The following CALN1 variants were observed in gnomAD, a reference collection of about 807,000 sequenced individuals.
CALN1 encodes the protein calneuron 1, also known as calcium-binding protein 8.
Under a neutral mutation model 30.6 loss-of-function variants are expected in CALN1, and 17 were observed. The observed-to-expected ratio is 0.56, with a 90% CI of 0.38 to 0.83. CALN1 has a LOEUF of 0.83. CALN1 is among the 40% of genes least tolerant of loss of function. The pLI is 0.00. For missense variants in CALN1, 291 were observed against 354.9 expected (o/e 0.82, Z 1.45); for synonymous variants, 156 against 131.4 (o/e 1.19, Z -1.28).
At chr7:71,803,568 G>A (rs1366301370) in intron 6 of CALN1, among the ~76,000 whole-genome samples, 1 of 152,022 alleles carries the variant, frequency 6.6e-6, no homozygotes, top group African/African-American at 2.4e-5. Context: ...TCTGCCTCCC[G>A]GGTTCAAGTG....
At chr7:72,114,052 A>C (rs1807764616) in intron 3 of CALN1, among the ~76,000 whole-genome samples, 1 of 151,560 alleles carries the variant, frequency 6.6e-6, no homozygotes, top group African/African-American at 2.4e-5. Flanking sequence ...AGGAGAGCTC[A>C]GATGTCAGAG....
At chr7:72,189,254 G>A (rs1790432941) in intron 3 of CALN1, among the ~76,000 whole-genome samples, 1 of 152,086 alleles carries the variant, frequency 6.6e-6, no homozygotes, top group African/African-American at 2.4e-5. Flanking sequence ...GGAGCCAAGT[G>A]GTTGCACTAT....
chr7:71,814,222 T>A (rs543001315), intron 5 of CALN1, among the ~76,000 whole-genome samples: 1 of 152,150 alleles, frequency 6.6e-6, no homozygotes, highest in Admixed American at 6.5e-5. Context: ...GTATCCCATG[T>A]TTTGCTTTCC....
the CALN1 span, among the ~76,000 whole-genome samples, chr7:72,480,834 CAT>C: frequency 6.6e-6 from 1 of 152,028 alleles, no homozygotes; most frequent in African/African-American, 2.4e-5. Context: ...AATTGTTCAT[CAT>C]ATTTTTTATA....
At chr7:72,246,991 TG>T (rs1311169108) in intron 3 of CALN1, among the ~76,000 whole-genome samples, 1 of 151,924 alleles carries the variant, frequency 6.6e-6, no homozygotes, top group Non-Finnish European at 1.5e-5. Context: ...CGACCTCAGG[TG>T]ATCTGCCCGC....
intron 3 of CALN1, among the ~76,000 whole-genome samples, chr7:72,254,566 C>CA (rs1214050662): frequency 6.6e-6 from 1 of 151,762 alleles, no homozygotes; most frequent in East Asian, 1.9e-4. Context: ...TGCTTTAGGG[C>CA]AAAAAACACA....
chr7:72,311,227 T>A (rs192951485), intron 2 of CALN1, among the ~76,000 whole-genome samples: 1 of 152,290 alleles, frequency 6.6e-6, no homozygotes, highest in East Asian at 1.9e-4. Flanking sequence ...TCTATATGGT[T>A]TCCTTAATAA....
chr7:72,154,495 G>A (rs777255488), intron 3 of CALN1, among the ~76,000 whole-genome samples: 2 of 152,214 alleles, frequency 1.3e-5, no homozygotes, highest in Non-Finnish European at 2.9e-5. Flanking sequence ...GTACCATCTT[G>A]AGGATACCAA....
intron 5 of CALN1, among the ~76,000 whole-genome samples, chr7:71,935,192 A>G (rs1382155799): frequency 6.6e-6 from 1 of 152,190 alleles, no homozygotes; most frequent in Non-Finnish European, 1.5e-5. Flanking sequence ...GGCCAAGGCA[A>G]TGATGAGGCT....
chr7:72,231,282 C>T (rs1794080289), intron 3 of CALN1, among the ~76,000 whole-genome samples: 1 of 152,184 alleles, frequency 6.6e-6, no homozygotes, highest in African/African-American at 2.4e-5. Flanking sequence ...CTCTCCCTCC[C>T]CCAACGCCCC....
chr7:72,260,885 TG>T (rs1347861230), intron 3 of CALN1, among the ~76,000 whole-genome samples: 1 of 152,078 alleles, frequency 6.6e-6, no homozygotes, highest in Admixed American at 6.5e-5. Flanking sequence ...ATCCCTACGG[TG>T]CTTCTAGGTT....
chr7:71,912,259 G>A (rs992921328), intron 5 of CALN1, among the ~76,000 whole-genome samples: 21 of 152,028 alleles, frequency 1.4e-4, no homozygotes, highest in Non-Finnish European at 1.5e-5. Context: ...TATGGAACCT[G>A]AGACTTTCTG....
intron 2 of CALN1, among the ~76,000 whole-genome samples, chr7:72,344,304 A>C (rs1802515185): frequency 6.6e-6 from 1 of 152,140 alleles, no homozygotes; most frequent in African/African-American, 2.4e-5. Context: ...TTTTTGTTTT[A>C]AGAAACTTCG....
chr7:72,386,265 T>C (rs973662255), intron 2 of CALN1, among the ~76,000 whole-genome samples: 3 of 152,174 alleles, frequency 2.0e-5, no homozygotes, highest in African/African-American at 7.2e-5. Context: ...AGGAGGTCCA[T>C]GGAATCCCAG....
At chr7:71,994,658 C>T (rs975324201) in intron 5 of CALN1, among the ~76,000 whole-genome samples, 4 of 151,602 alleles carry the variant, frequency 2.6e-5, no homozygotes, top group Admixed American at 2.0e-4. Flanking sequence ...GTTTAATAGG[C>T]GAAAGAAAGA....
chr7:72,446,803 G>C (rs1275514128), intron 1 of CALN1, among the ~76,000 whole-genome samples: 1 of 152,134 alleles, frequency 6.6e-6, no homozygotes. Context: ...GGGTGAAGCT[G>C]GGGCCAAAAC....
intron 3 of CALN1, among the ~76,000 whole-genome samples, chr7:72,182,937 G>A (rs975154029): frequency 6.6e-5 from 10 of 152,156 alleles, no homozygotes; most frequent in Non-Finnish European, 1.5e-4. Flanking sequence ...GGACCAGGTG[G>A]TAAAGGCATT....
At chr7:71,883,587 A>G (rs541548345) in intron 5 of CALN1, among the ~76,000 whole-genome samples, 1 of 152,300 alleles carries the variant, frequency 6.6e-6, no homozygotes, top group African/African-American at 2.4e-5. Context: ...TCCACCTTGC[A>G]TGCTAATCCA....
intron 3 of CALN1, among the ~76,000 whole-genome samples, chr7:72,109,548 T>C (rs1428657832): frequency 6.6e-6 from 1 of 152,236 alleles, no homozygotes; most frequent in Non-Finnish European, 1.5e-5. Context: ...TCAAGGCGTT[T>C]GTCTGCATTT....
Sources: allele counts gnomAD v4.1 joint callset (sites outside exome capture counted in the v4.1 genomes callset), GRCh38; gene constraint gnomAD v4.1.1; transcripts MANE v1.5; gene names NCBI Gene and HGNC (gene_info 2026-07-23, HGNC 2026-07-21).